The following SUCLG2 variants were observed in gnomAD, a reference collection of about 807,000 sequenced individuals.
SUCLG2 encodes succinate-CoA ligase GDP-forming subunit beta.
A neutral mutation model predicts 47.9 loss-of-function variants in SUCLG2; 42 were observed. The ratio of observed to expected loss-of-function variants is 0.88; its 90% confidence interval spans 0.69 to 1.14. SUCLG2 has a LOEUF of 1.14. SUCLG2 is among the 50% of genes most tolerant of loss of function. The pLI, the probability that SUCLG2 is intolerant of heterozygous loss-of-function variation, is 0.00. For synonymous variants in SUCLG2, 195 were observed against 197.3 expected (o/e 0.99, Z 0.10); for missense variants, 571 against 525.9 (o/e 1.09, Z -0.84).
At chr3:67,390,176 G>T (rs1020782283) in intron 10 of SUCLG2, among the ~76,000 whole-genome samples, 2 of 152,192 alleles carry the variant, frequency 1.3e-5, no homozygotes, top group African/African-American at 4.8e-5. Context: ...GGCACATTTT[G>T]TAACTACTAC....
chr3:67,595,563 A>G (rs1708273909), intron 2 of SUCLG2, among the ~76,000 whole-genome samples: 1 of 152,156 alleles, frequency 6.6e-6, no homozygotes, highest in African/African-American at 2.4e-5. Context: ...CCTCATGAAC[A>G]TGGCTCTGGA....
intron 2 of SUCLG2, among the ~76,000 whole-genome samples, chr3:67,589,791 C>T (rs537963391): frequency 7.2e-5 from 11 of 152,146 alleles, no homozygotes; most frequent in South Asian, 6.2e-4. Flanking sequence ...AAGCTGGGGG[C>T]GGAAAGAGGA....
At chr3:67,644,283 G>A (rs1701154453) in intron 1 of SUCLG2, among the ~76,000 whole-genome samples, 1 of 152,112 alleles carries the variant, frequency 6.6e-6, no homozygotes, top group South Asian at 2.1e-4. Flanking sequence ...CACATATCAT[G>A]GAATATTATT....
chr3:67,446,646 C>T (rs1703934874), intron 9 of SUCLG2, among the ~76,000 whole-genome samples: 1 of 150,442 alleles, frequency 6.6e-6, no homozygotes, highest in South Asian at 2.1e-4. Context: ...ATTGGCCAGG[C>T]TGGTCTTGAA....
intron 1 of SUCLG2, among the ~76,000 whole-genome samples, chr3:67,653,681 T>G (rs1022305935): frequency 2.0e-5 from 3 of 152,224 alleles, no homozygotes; most frequent in African/African-American, 7.2e-5. Flanking sequence ...AGAGATAGTC[T>G]ACGGAGACTA....
chr3:67,460,967 T>C (rs1704317076), intron 9 of SUCLG2, among the ~76,000 whole-genome samples: 1 of 152,036 alleles, frequency 6.6e-6, no homozygotes, highest in Non-Finnish European at 1.5e-5. Flanking sequence ...GGTTCCATAA[T>C]TTGTCTAACG....
intron 9 of SUCLG2, 29 bp from the exon 10 acceptor site, chr3:67,400,880 C>G: frequency 6.2e-7 from 1 of 1,611,548 alleles, no homozygotes; most frequent in Non-Finnish European, 8.5e-7. Flanking sequence ...AGTTACCAAT[C>G]AAAATGCTGA....
intron 1 of SUCLG2, among the ~76,000 whole-genome samples, chr3:67,637,132 T>C (rs979410719): frequency 1.3e-5 from 2 of 152,106 alleles, no homozygotes; most frequent in Admixed American, 6.5e-5. Flanking sequence ...AAGGACAGAT[T>C]TGTCAACATC....
intron 2 of SUCLG2, among the ~76,000 whole-genome samples, chr3:67,602,883 A>C (rs2107300553): frequency 1.3e-5 from 2 of 152,346 alleles, no homozygotes; most frequent in Middle Eastern, 3.4e-3. Flanking sequence ...CATGAACTAA[A>C]TTACGAAAAA....
At chr3:67,369,941 A>G (rs1701929586), downstream of SUCLG2, among the ~76,000 whole-genome samples, 1 of 152,230 alleles carries the variant, frequency 6.6e-6, no homozygotes, top group African/African-American at 2.4e-5. Context: ...AGTAAATACT[A>G]AATTAATGAA....
At chr3:67,440,536 A>G (rs972789749) in intron 9 of SUCLG2, among the ~76,000 whole-genome samples, 5 of 152,186 alleles carry the variant, frequency 3.3e-5, no homozygotes, top group African/African-American at 1.2e-4. Flanking sequence ...TTACAGGAAA[A>G]AAACAAACAA....
At chr3:67,575,810 G>T (rs1400762367) in intron 2 of SUCLG2, among the ~76,000 whole-genome samples, 1 of 152,156 alleles carries the variant, frequency 6.6e-6, no homozygotes, top group East Asian at 1.9e-4. Context: ...TATTGCTACT[G>T]AACCTAAGAA....
At chr3:67,609,356 A>C in intron 2 of SUCLG2, 99 bp downstream of exon 2, 1 of 1,382,812 alleles carries the variant, frequency 7.2e-7, no homozygotes, top group Non-Finnish European at 9.9e-7. Flanking sequence ...TGTCCCTGTC[A>C]GTTTAATCCA....
chr3:67,544,991 T>C (rs1706826181), intron 2 of SUCLG2, among the ~76,000 whole-genome samples: 1 of 152,180 alleles, frequency 6.6e-6, no homozygotes, highest in Admixed American at 6.5e-5. Context: ...AGAGCTCTAA[T>C]AATTTTATCA....
In SUCLG2 at chr3:67,531,662, C is replaced by T. The variant is rs977292797; in HGVS notation, c.227-2476G>A. On this transcript the variant is annotated intron_variant, in intron 2 of 10. Transcript: ENST00000307227. ...ACCTACGCACATCTGCAACATACAC[C>T]CCAGGCCAAAAATGAGTTCACTAAA... Among the ~76,000 whole-genome samples the T allele has an allele frequency of 3.6e-4, 55 of 152,110 alleles. 1 individual carries two copies. The highest frequency in any genetic ancestry group is 1.3e-3 in the African/African-American group (52 of 41,512).
At chr3:67,396,977 T>G (rs1171990409) in intron 10 of SUCLG2, among the ~76,000 whole-genome samples, 2 of 151,922 alleles carry the variant, frequency 1.3e-5, no homozygotes, top group African/African-American at 4.8e-5. Flanking sequence ...CAACAACCCT[T>G]CATGCTAAAA....
intron 1 of SUCLG2, among the ~76,000 whole-genome samples, chr3:67,630,540 C>A (rs1272033295): frequency 6.6e-6 from 1 of 152,184 alleles, no homozygotes; most frequent in Admixed American, 6.5e-5. Flanking sequence ...TTGATAAACC[C>A]TTTTAAAACT....
chr3:67,372,798 G>C (rs950914323), downstream of SUCLG2, among the ~76,000 whole-genome samples: 2 of 152,144 alleles, frequency 1.3e-5, no homozygotes, highest in Non-Finnish European at 2.9e-5. Context: ...ATACTCCGTT[G>C]CTGTCATTTT....
At chr3:67,561,335 T>TG (rs1707302675) in intron 2 of SUCLG2, among the ~76,000 whole-genome samples, 1 of 151,960 alleles carries the variant, frequency 6.6e-6, no homozygotes, top group Non-Finnish European at 1.5e-5. Context: ...ACCAAGAAAA[T>TG]GAAGTGGGTC....
Sources: gnomAD v4.1 joint callset for allele counts (sites outside exome capture counted in the v4.1 genomes callset) on GRCh38, gnomAD v4.1.1 for gene constraint, MANE v1.5 for transcripts, NCBI Gene and HGNC (gene_info 2026-07-23, HGNC 2026-07-21) for gene names.